PTPRM: variants seen among roughly 807,000 people sequenced by gnomAD.
PTPRM encodes the protein receptor-type tyrosine-protein phosphatase mu.
In PTPRM, 47 loss-of-function variants were observed where a neutral mutation model predicts 186.7. That is an observed-to-expected ratio of 0.25 (90% confidence interval 0.20 to 0.32). PTPRM has a LOEUF of 0.32. Ranked by LOEUF, PTPRM falls within the 10% of genes least tolerant of loss-of-function variation. The pLI, the probability that PTPRM is intolerant of heterozygous loss-of-function variation, is 1.00. For synonymous variants in PTPRM, 668 were observed against 674.9 expected, an observed-to-expected ratio of 0.99 and a Z score of 0.16; for missense variants, 1,494 against 1,865.0, an observed-to-expected ratio of 0.80 and a Z score of 3.66.
At chr18:7,635,426 T>A (rs189534212) in intron 1 of PTPRM, among the ~76,000 whole-genome samples, 26 of 152,328 alleles carry the variant, frequency 1.7e-4, no homozygotes, top group Non-Finnish European at 1.5e-5. Context: ...ATGTGCTTAA[T>A]AGGTAGTTAG....
At chr18:8,097,016 G>A (rs2091046661) in intron 11 of PTPRM, among the ~76,000 whole-genome samples, 1 of 152,086 alleles carries the variant, frequency 6.6e-6, no homozygotes, top group Non-Finnish European at 1.5e-5. Context: ...TTTTGGTGGT[G>A]GGGAGAGGAA....
rs1354114028 is a variant in PTPRM, at chr18:8,244,187, C to T, written c.2430C>T (p.Asp810=). Residue 810 remains aspartate, a synonymous_variant, in exon 15 of 33, where the codon GAC becomes GAT. Coordinates refer to ENST00000580170, the MANE Select transcript of PTPRM (RefSeq NM_001105244.2). ...TNCDEAFSFM[D]THNLNGRSVS... is the part of the protein sequence containing the mutation. Reference sequence around the variant, plus strand: ...GCGACGAGGCTTTCTCATTCATGGACACGCACAATCTGAATGGGAGATGTA... The same window carrying T: ...GCGACGAGGCTTTCTCATTCATGGATACGCACAATCTGAATGGGAGATGTA... 6 of 1,578,936 alleles carry T rather than the reference C, an allele frequency of 3.8e-6. No individual in the cohort carries two copies. The highest frequency in any genetic ancestry group is 5.1e-6 in the Non-Finnish European group (6 of 1,167,724).
rs530404848 is a variant in PTPRM at position 8,013,480 on chromosome 18, G to T, written c.1133-56206G>T. 7.9e-5 allele frequency among the ~76,000 whole-genome samples: 12 copies of T among 152,282 alleles called. No individual in the cohort carries two copies. In the East Asian group the frequency reaches 2.1e-3, roughly 27 times the overall value. On this transcript the variant is annotated intron_variant, in intron 7 of 32. Coordinates refer to ENST00000580170, the MANE Select transcript of PTPRM (RefSeq NM_001105244.2). ...AAAATGTTACTGAGAAAGTCTTAAG[G>T]CAGAGAAAATATATTTACTATTCAT...
At chr18:7,798,953 A>T (rs2043814472) in intron 2 of PTPRM, among the ~76,000 whole-genome samples, 1 of 152,202 alleles carries the variant, frequency 6.6e-6, no homozygotes, top group South Asian at 2.1e-4. Flanking sequence ...CACAGACTTG[A>T]CAACTATGGT....
chr18:7,853,130 G>A (rs935115013), intron 2 of PTPRM, among the ~76,000 whole-genome samples: 1 of 152,170 alleles, frequency 6.6e-6, no homozygotes, highest in Non-Finnish European at 1.5e-5. Flanking sequence ...AGAATAGAAT[G>A]TTCTAAAGTC....
At chr18:7,897,497 T>C (rs1486128657) in intron 3 of PTPRM, among the ~76,000 whole-genome samples, 2 of 152,176 alleles carry the variant, frequency 1.3e-5, no homozygotes, top group African/African-American at 4.8e-5. Context: ...ATTTTGTGCT[T>C]AAAAAAGACA....
chr18:8,132,784 G>A (rs2092543747), intron 13 of PTPRM, among the ~76,000 whole-genome samples: 2 of 152,140 alleles, frequency 1.3e-5, no homozygotes. Flanking sequence ...ATATTTCACA[G>A]CGTTGAGTGC....
chr18:8,150,363 T>C (rs184244660), intron 14 of PTPRM, among the ~76,000 whole-genome samples: 1 of 152,296 alleles, frequency 6.6e-6, no homozygotes, highest in East Asian at 1.9e-4. Context: ...TTTTTTTCTC[T>C]AATCTTGTCT....
chr18:7,640,007 T>G (rs2038409499), intron 1 of PTPRM, among the ~76,000 whole-genome samples: 1 of 152,180 alleles, frequency 6.6e-6, no homozygotes, highest in Non-Finnish European at 1.5e-5. Context: ...GCATAACTAG[T>G]GTTTTCCAGA....
intron 2 of PTPRM, among the ~76,000 whole-genome samples, chr18:7,787,789 C>T (rs1028951715): frequency 2.0e-5 from 3 of 152,116 alleles, no homozygotes; most frequent in Non-Finnish European, 4.4e-5. Context: ...TTGAAAAATC[C>T]GCAGAGCTTT....
Position 7,885,558 on chromosome 18 carries a change from G to A in PTPRM, c.197-2548G>A, listed in dbSNP as rs2048742315. On this transcript the variant is annotated intron_variant, in intron 2 of 32. Transcript: ENST00000580170. ...TTGCACATAAACCAAGAGGACTTGT[G>A]TGTAATAGGGATGTCACTCCCCTGT... Among the ~76,000 whole-genome samples, 4 of 152,154 alleles carry A rather than the reference G, an allele frequency of 2.6e-5. No homozygotes were observed. The South Asian group carries it at 8.3e-4, about 32-fold the overall frequency.
intron 2 of PTPRM, among the ~76,000 whole-genome samples, chr18:7,817,122 G>A (rs2044877429): frequency 6.6e-6 from 1 of 151,934 alleles, no homozygotes; most frequent in Non-Finnish European, 1.5e-5. Context: ...TTACAGACAT[G>A]TGCCACTATG....
chr18:7,972,462 T>TAA lies in PTPRM; in HGVS notation c.1132+17060_1132+17061dup, dbSNP rs11445030. 6.5e-3 allele frequency among the ~76,000 whole-genome samples: 294 copies of TAA among 45,096 alleles called. 2 individuals are homozygous for TAA. The highest frequency in any genetic ancestry group is 7.2e-3 in the Non-Finnish European group (205 of 28,454). The allele number at this position is 45,096 out of a possible 152,430, so 29.6% of individuals were successfully genotyped here. On this transcript the variant is annotated intron_variant, in intron 7 of 32. Coordinates refer to ENST00000580170, the MANE Select transcript of PTPRM (RefSeq NM_001105244.2). ...TGTACCCTAAAACTTAAAGTATAAT[T>TAA]AAAAAAAAAAAAACATTAAAAAAAA...
At chr18:7,993,915 A>G (rs1461290012) in intron 7 of PTPRM, among the ~76,000 whole-genome samples, 1 of 152,160 alleles carries the variant, frequency 6.6e-6, no homozygotes, top group Non-Finnish European at 1.5e-5. Context: ...GATTTACAAA[A>G]CAAACAAAAA....
At chr18:7,575,497 T>C (rs2036666220) in intron 1 of PTPRM, among the ~76,000 whole-genome samples, 1 of 152,240 alleles carries the variant, frequency 6.6e-6, no homozygotes, top group Non-Finnish European at 1.5e-5. Flanking sequence ...GTGTAGTTTG[T>C]TGAAATTCAG....
At chr18:8,346,257 C>A (rs1479684897) in intron 23 of PTPRM, among the ~76,000 whole-genome samples, 1 of 152,172 alleles carries the variant, frequency 6.6e-6, no homozygotes, top group Admixed American at 6.5e-5. Flanking sequence ...TAACCAAATG[C>A]CACAAGCCAG....
At chr18:8,379,460 T>C in intron 28 of PTPRM, 120 bp downstream of exon 28, 1 of 1,076,554 alleles carries the variant, frequency 9.3e-7, no homozygotes, top group Non-Finnish European at 1.2e-6. Flanking sequence ...ACAAACTTTT[T>C]TTTCCAACAA....
intron 1 of PTPRM, among the ~76,000 whole-genome samples, chr18:7,686,212 A>G (rs903475786): frequency 6.6e-6 from 1 of 152,178 alleles, no homozygotes; most frequent in Non-Finnish European, 1.5e-5. Context: ...ATGGAGGGAT[A>G]AATCCATCAA....
At chr18:8,142,476 A>T (rs73389726) in intron 13 of PTPRM, among the ~76,000 whole-genome samples, 5,758 of 152,226 alleles carry the variant, frequency 0.038, 379 homozygotes, top group African/African-American at 0.13. Context: ...ATGGAAGGTG[A>T]TATCTGGCAC....
Sources: allele counts gnomAD v4.1 joint callset (sites outside exome capture counted in the v4.1 genomes callset), GRCh38; gene constraint gnomAD v4.1.1; transcripts MANE v1.5; gene names NCBI Gene and HGNC (gene_info 2026-07-23, HGNC 2026-07-21).